RBFOX1: variants seen among roughly 807,000 people sequenced by gnomAD.
RBFOX1 encodes the protein RNA binding fox-1 homolog 1, also known as RNA binding protein fox-1 homolog 1.
Under a neutral mutation model 57.7 loss-of-function variants are expected in RBFOX1, and 8 were observed. The ratio of observed to expected loss-of-function variants is 0.14; its 90% confidence interval spans 0.08 to 0.25. The LOEUF is 0.25. RBFOX1 is among the 10% of genes least tolerant of loss of function. RBFOX1 has a pLI of 1.00. For synonymous variants in RBFOX1, 326 were observed against 222.4 expected, an observed-to-expected ratio of 1.47 and a Z score of -4.15; for missense variants, 611 against 548.5, an observed-to-expected ratio of 1.11 and a Z score of -1.14.
rs201835325 is a variant in RBFOX1, at chr16:7,080,059, T to TTATATA, written c.27+27966_27+27971dup. Among the ~76,000 whole-genome samples, 512 of 135,236 alleles carry TTATATA rather than the reference T, an allele frequency of 3.8e-3. 2 individuals are homozygous for TTATATA. Among genetic ancestry groups the TTATATA allele is most frequent in the Middle Eastern group, 0.016 (4 of 254 alleles). The allele number at this position is 135,236 out of a possible 152,430, so 88.7% of individuals were successfully genotyped here. ...ATATAGATGTATATATATATACATA[T>TTATATA]TATATATATACATATATACATATGT... On this transcript the variant is annotated intron_variant, in intron 4 of 15. Coordinates refer to ENST00000550418, the MANE Select transcript of RBFOX1 (RefSeq NM_018723.4).
chr16:5,388,086 C>T (rs567257572), intron 1 of RBFOX1, among the ~76,000 whole-genome samples: 1 of 152,168 alleles, frequency 6.6e-6, no homozygotes, highest in Non-Finnish European at 1.5e-5. Context: ...CTCCTGACAC[C>T]TTGATTATGG....
chr16:5,771,865 A>G (rs1053821389), intron 3 of RBFOX1, among the ~76,000 whole-genome samples: 3 of 152,130 alleles, frequency 2.0e-5, no homozygotes, highest in African/African-American at 7.2e-5. Flanking sequence ...TTCAATCAGT[A>G]TGGTACCTTT....
chr16:7,524,049 A>G (rs544089154), intron 5 of RBFOX1, among the ~76,000 whole-genome samples: 4 of 152,284 alleles, frequency 2.6e-5, no homozygotes, highest in African/African-American at 9.6e-5. Flanking sequence ...GTCATTCCCC[A>G]TAGGATAGTG....
intron 2 of RBFOX1, among the ~76,000 whole-genome samples, chr16:6,375,745 C>A (rs539700229): frequency 6.6e-6 from 1 of 152,146 alleles, no homozygotes; most frequent in Admixed American, 6.5e-5. Flanking sequence ...TCTGACGGAG[C>A]GAGAATGAGT....
chr16:5,708,570 G>T (rs976300889), intron 3 of RBFOX1, among the ~76,000 whole-genome samples: 2 of 152,174 alleles, frequency 1.3e-5, no homozygotes, highest in Non-Finnish European at 2.9e-5. Context: ...GCTTTAAGCA[G>T]CTGACCCCCA....
intron 4 of RBFOX1, among the ~76,000 whole-genome samples, chr16:7,303,488 G>T (rs1022333758): frequency 2.6e-5 from 4 of 152,238 alleles, no homozygotes; most frequent in African/African-American, 9.6e-5. Flanking sequence ...TGCCGGGCGC[G>T]CGGGGCGCTC....
chr16:7,335,904 A>G (rs994822767), intron 4 of RBFOX1, among the ~76,000 whole-genome samples: 5 of 152,236 alleles, frequency 3.3e-5, no homozygotes, highest in Admixed American at 6.5e-5. Flanking sequence ...CAGAATGACT[A>G]TGGAGAATTC....
intron 2 of RBFOX1, among the ~76,000 whole-genome samples, chr16:6,527,431 G>C (rs1034580390): frequency 6.6e-6 from 1 of 152,016 alleles, no homozygotes; most frequent in African/African-American, 2.4e-5. Context: ...TGTATTTTTG[G>C]GGCTTGGGGG....
At position 6,627,207 on chromosome 16, in the gene RBFOX1, A is replaced by C. The variant is rs72762955; in HGVS notation, c.-63-27396A>C. Reference sequence around the variant, plus strand: ...TCTTGGGATGGGCAGAGTAGTTTGGAGGATATTGGTCCAGCACAGGGGAAT... The same window carrying C: ...TCTTGGGATGGGCAGAGTAGTTTGGCGGATATTGGTCCAGCACAGGGGAAT... On this transcript the variant is annotated intron_variant, in intron 2 of 15. Transcript: ENST00000550418. 6.3e-3 allele frequency among the ~76,000 whole-genome samples: 966 copies of C among 152,256 alleles called. 10 individuals carry two copies. The highest frequency in any genetic ancestry group is 0.02 in the Middle Eastern group (6 of 294).
intron 4 of RBFOX1, among the ~76,000 whole-genome samples, chr16:5,894,855 A>G (rs895570446): frequency 2.0e-5 from 3 of 151,472 alleles, no homozygotes; most frequent in Admixed American, 2.0e-4. Context: ...CCCCGTCTCT[A>G]CTAAAAATAC....
At chr16:5,659,487 T>TAG (rs2049574743) in intron 3 of RBFOX1, among the ~76,000 whole-genome samples, 1 of 151,962 alleles carries the variant, frequency 6.6e-6, no homozygotes, top group South Asian at 2.1e-4. Flanking sequence ...GTATTGTTAG[T>TAG]AGAGACGGGG....
intron 1 of RBFOX1, among the ~76,000 whole-genome samples, chr16:5,438,880 A>G (rs750340623): frequency 1.3e-5 from 2 of 152,128 alleles, no homozygotes; most frequent in Non-Finnish European, 2.9e-5. Context: ...GATCAGGATA[A>G]TAAGGGAGGT....
chr16:5,321,213 A>C (rs2064394137), intron 1 of RBFOX1, among the ~76,000 whole-genome samples: 1 of 152,228 alleles, frequency 6.6e-6, no homozygotes, highest in Non-Finnish European at 1.5e-5. Context: ...TAATACCACC[A>C]ACTAAAAATG....
chr16:7,571,909 A>T (rs1430310503), intron 5 of RBFOX1, among the ~76,000 whole-genome samples: 1 of 152,166 alleles, frequency 6.6e-6, no homozygotes, highest in African/African-American at 2.4e-5. Context: ...CAGGTGGATC[A>T]CCTGAGGTCA....
intron 2 of RBFOX1, among the ~76,000 whole-genome samples, chr16:6,398,997 C>T (rs1043691417): frequency 3.3e-5 from 5 of 152,206 alleles, no homozygotes; most frequent in Non-Finnish European, 7.3e-5. Context: ...CATTTCCACA[C>T]ATCCTCTGAA....
intron 10 of RBFOX1, among the ~76,000 whole-genome samples, chr16:7,624,877 CGATTG>C (rs2059849144): frequency 6.6e-6 from 1 of 152,126 alleles, no homozygotes; most frequent in East Asian, 1.9e-4. Flanking sequence ...GGTTTTGCGC[CGATTG>C]GATTAACAAT....
intron 1 of RBFOX1, among the ~76,000 whole-genome samples, chr16:6,068,560 C>T (rs976665416): frequency 8.5e-5 from 13 of 152,122 alleles, no homozygotes; most frequent in Middle Eastern, 3.4e-3. Context: ...CAAGTTTATT[C>T]GGGGTTTGAA....
intron 1 of RBFOX1, among the ~76,000 whole-genome samples, chr16:6,230,026 T>C (rs547219602): frequency 1.3e-5 from 2 of 152,148 alleles, no homozygotes; most frequent in Non-Finnish European, 2.9e-5. Flanking sequence ...ACTATGGATC[T>C]CCTTTTAAGT....
intron 4 of RBFOX1, among the ~76,000 whole-genome samples, chr16:7,455,325 C>G (rs536454330): frequency 1.3e-5 from 2 of 152,316 alleles, no homozygotes; most frequent in Non-Finnish European, 2.9e-5. Flanking sequence ...CAGCCTCATT[C>G]TTTCTCATCC....
Sources: allele counts gnomAD v4.1 joint callset (sites outside exome capture counted in the v4.1 genomes callset), GRCh38; gene constraint gnomAD v4.1.1; transcripts MANE v1.5; gene names NCBI Gene and HGNC (gene_info 2026-07-23, HGNC 2026-07-21).